Variants in ASCC3 observed in about 807,000 individuals in gnomAD.
The protein encoded by ASCC3 is activating signal cointegrator 1 complex subunit 3, also known as ASC-1 complex subunit P200.
ASCC3 carries 158 observed loss-of-function variants against 256.3 expected under a neutral mutation model. That is an observed-to-expected ratio of 0.62 (90% confidence interval 0.54 to 0.70). The LOEUF (loss-of-function observed/expected upper bound fraction) is 0.70, where lower values mean the gene tolerates loss of function less well. Ranked by LOEUF, ASCC3 falls within the 30% of genes least tolerant of loss-of-function variation. ASCC3 has a pLI of 0.00. For missense variants in ASCC3, 2,259 were observed against 2,626.0 expected (o/e 0.86, Z 3.05); for synonymous variants, 948 against 883.4 (o/e 1.07, Z -1.30).
At chr6:100,764,518 A>G (rs986914668) in intron 10 of ASCC3, among the ~76,000 whole-genome samples, 1 of 152,192 alleles carries the variant, frequency 6.6e-6, no homozygotes, top group African/African-American at 2.4e-5. Context: ...ACCAGGCTGG[A>G]TGTAGACAAT....
At chr6:100,518,923 T>C (rs999554329) in intron 37 of ASCC3, among the ~76,000 whole-genome samples, 2 of 152,132 alleles carry the variant, frequency 1.3e-5, no homozygotes, top group Admixed American at 6.5e-5. Context: ...TACTGTACTC[T>C]TGTTTTGGGA....
chr6:100,866,223 G>A (rs1773471734), intron 2 of ASCC3, among the ~76,000 whole-genome samples: 1 of 152,140 alleles, frequency 6.6e-6, no homozygotes, highest in Non-Finnish European at 1.5e-5. Flanking sequence ...ACCCGCCTAG[G>A]CCTTCCAAAG....
intron 1 of ASCC3, among the ~76,000 whole-genome samples, chr6:100,880,504 A>AT (rs368932438): frequency 2.6e-5 from 4 of 152,246 alleles, no homozygotes; most frequent in African/African-American, 9.6e-5. Context: ...AAGTTAATTT[A>AT]TAAGAAACCT....
In ASCC3 at chr6:100,629,253, T is replaced by A. The variant is rs574290758; in HGVS notation, c.4209-72A>T. 2.1e-5 allele frequency: 30 copies of A among 1,409,166 alleles called. No individual in the cohort carries two copies. In the Admixed American group the frequency reaches 5.3e-4, roughly 25 times the overall value. The allele number at this position is 1,409,166 out of a possible 1,614,324, so 87.3% of individuals were successfully genotyped here. On this transcript the variant is annotated intron_variant, in intron 26 of 41. Transcript: ENST00000369162. ...ATGACCTTGGAAATGCAAAAACCTA[T>A]CTCTTTTAAAATAAAATTTTATAAG...
chr6:100,831,335 AG>A lies in ASCC3; in HGVS notation c.801+16812del, dbSNP rs1412046736. Among the ~76,000 whole-genome samples, 371 of 151,598 alleles carry A rather than the reference AG, an allele frequency of 2.4e-3. 2 individuals are homozygous for A. Among genetic ancestry groups the A allele is most frequent in the African/African-American group, 8.6e-3 (354 of 41,336 alleles). The stretch of plus-strand genomic sequence containing the variant: ...GCAACTCTTCTGGTTAAAAAAAAAA[AG>A]GAAAAAAAACAAACAAAAAGGTACA... On this transcript the variant is annotated intron_variant, in intron 4 of 41. Transcript: ENST00000369162.
At chr6:100,732,165 CAA>C (rs386408063) in intron 10 of ASCC3, among the ~76,000 whole-genome samples, 7 of 105,086 alleles carry the variant, frequency 6.7e-5, no homozygotes, top group Admixed American at 9.5e-5. Flanking sequence ...CGTCTCAAAA[CAA>C]AAAAAAAAAA....
At position 100,508,557 on chromosome 6, in the gene ASCC3, T is replaced by C. The variant is rs1233473450; in HGVS notation, c.*829A>G. The C allele has an allele frequency of 1.3e-5, 2 of 152,194 alleles. No homozygotes were observed. The highest frequency in any genetic ancestry group is 4.8e-5 in the African/African-American group (2 of 41,458). 9.4% of individuals were successfully genotyped at this position (152,194 alleles called of 1,614,324 possible). The stretch of plus-strand genomic sequence containing the variant: ...AGAGCATAAAGACAAATAATTGTAC[T>C]ATATGATCTGTAAGTGCTACAACAT... On this transcript the variant is annotated 3_prime_UTR_variant, in exon 42 of 42. Coordinates refer to ENST00000369162, the MANE Select transcript of ASCC3 (RefSeq NM_006828.4).
intron 36 of ASCC3, among the ~76,000 whole-genome samples, chr6:100,575,391 C>A (rs941997909): frequency 1.3e-5 from 2 of 151,964 alleles, no homozygotes; most frequent in Non-Finnish European, 2.9e-5. Context: ...AGTTGTGCCT[C>A]AAACACGATA....
intron 3 of ASCC3, among the ~76,000 whole-genome samples, chr6:100,855,704 A>T (rs1772910532): frequency 6.6e-6 from 1 of 152,218 alleles, no homozygotes; most frequent in Non-Finnish European, 1.5e-5. Context: ...CATCTGTCAT[A>T]ACATTTAACC....
At chr6:100,562,591 G>A (rs1274369702) in intron 36 of ASCC3, among the ~76,000 whole-genome samples, 1 of 152,018 alleles carries the variant, frequency 6.6e-6, no homozygotes, top group Non-Finnish European at 1.5e-5. Context: ...TTTCAAGAAC[G>A]TAAGTTTATG....
At chr6:100,783,383 C>T (rs1254090327) in intron 8 of ASCC3, among the ~76,000 whole-genome samples, 4 of 152,156 alleles carry the variant, frequency 2.6e-5, no homozygotes, top group Non-Finnish European at 4.4e-5. Flanking sequence ...TCATCTAAAC[C>T]TCAATGGCTT....
chr6:100,622,190 T>C (rs1295372817), intron 30 of ASCC3, among the ~76,000 whole-genome samples: 1 of 152,104 alleles, frequency 6.6e-6, no homozygotes, highest in Non-Finnish European at 1.5e-5. Flanking sequence ...CATGTTCACC[T>C]ATTGATATGG....
chr6:100,643,955 G>C, intron 23 of ASCC3, 76 bp downstream of exon 23: 2 of 986,420 alleles, frequency 2.0e-6, no homozygotes, highest in Non-Finnish European at 3.1e-6. Flanking sequence ...AAATTACAGA[G>C]AAATAAAAGC....
At position 100,631,199 on chromosome 6, in the gene ASCC3, T is replaced by C. The variant is rs1262127966; in HGVS notation, c.4137A>G (p.Ala1379=). The change falls in exon 26 of 42, where the codon GCA becomes GCG. Residue 1379 remains alanine, a synonymous_variant. Coordinates refer to ENST00000369162, the MANE Select transcript of ASCC3 (RefSeq NM_006828.4). The part of the protein sequence containing the change: ...KYPTSKAVYI[A]PLKALVRERM... ...TTTCACGTACTAGGGCTTTTAGGGG[T>C]GCAATATATACCGCCTAAAAAGGGG... 6.2e-7 allele frequency: 1 copy of C among 1,611,942 alleles called. No individual in the cohort carries two copies. Among genetic ancestry groups the C allele is most frequent in the Non-Finnish European group, 8.5e-7 (1 of 1,178,462 alleles).
chr6:100,679,599 T>C lies in ASCC3; in HGVS notation c.2286+19A>G. On this transcript the variant is annotated intron_variant, in intron 14 of 41. Coordinates refer to ENST00000369162, the MANE Select transcript of ASCC3 (RefSeq NM_006828.4). ...GTGGCATGTTACATGCTTTAGTTCT[T>C]GTCCTCTTTGTTTCTTACCTGTTTT... 3 of 1,613,236 alleles carry C rather than the reference T, an allele frequency of 1.9e-6. No homozygotes were observed. The highest frequency in any genetic ancestry group is 2.5e-6 in the Non-Finnish European group (3 of 1,179,482).
chr6:100,543,885 G>A (rs1324529285), intron 36 of ASCC3, among the ~76,000 whole-genome samples: 9 of 152,088 alleles, frequency 5.9e-5, no homozygotes, highest in South Asian at 4.1e-4. Context: ...AACACACAAC[G>A]CAATAAGAGT....
chr6:100,537,598 A>G (rs768429802), intron 37 of ASCC3, among the ~76,000 whole-genome samples: 20 of 152,166 alleles, frequency 1.3e-4, no homozygotes, highest in Non-Finnish European at 2.2e-4. Context: ...ATTTCATTGT[A>G]GTATTTTACA....
intron 11 of ASCC3, among the ~76,000 whole-genome samples, chr6:100,724,768 A>T (rs950568347): frequency 7.2e-5 from 11 of 151,954 alleles, no homozygotes; most frequent in Admixed American, 2.6e-4. Context: ...AGAATACGGC[A>T]TGACAGGGTG....
chr6:100,746,334 G>A (rs924736292), intron 10 of ASCC3, among the ~76,000 whole-genome samples: 13 of 151,848 alleles, frequency 8.6e-5, no homozygotes, highest in Non-Finnish European at 1.8e-4. Context: ...ATATGTACTT[G>A]TAATAACTTG....
Sources: allele counts gnomAD v4.1 joint callset (sites outside exome capture counted in the v4.1 genomes callset), GRCh38; gene constraint gnomAD v4.1.1; transcripts MANE v1.5; gene names NCBI Gene and HGNC (gene_info 2026-07-23, HGNC 2026-07-21).